Variants in GPNMB observed in about 807,000 individuals in gnomAD.
GPNMB encodes transmembrane glycoprotein NMB.
Under a neutral mutation model 57.3 loss-of-function variants are expected in GPNMB, and 71 were observed. That is an observed-to-expected ratio of 1.24 (90% CI 1.02 to 1.51). The LOEUF (loss-of-function observed/expected upper bound fraction) is 1.51. Among genes scored for constraint, GPNMB ranks in the 40% most tolerant of loss-of-function variants. The pLI is 0.00. For missense variants in GPNMB, 677 were observed against 691.9 expected (o/e 0.98, Z 0.24); for synonymous variants, 253 against 263.2 (o/e 0.96, Z 0.38).
intron 8 of GPNMB, 60 bp from the exon 9 acceptor site, chr7:23,269,907 G>T: frequency 1.8e-6 from 2 of 1,106,222 alleles, no homozygotes; most frequent in South Asian, 2.6e-5. Context: ...AAATGGATCT[G>T]ACCTTCCTCT....
chr7:23,249,094 TA>T (rs1782604244), intron 1 of GPNMB, among the ~76,000 whole-genome samples: 1 of 152,096 alleles, frequency 6.6e-6, no homozygotes, highest in Admixed American at 6.6e-5. Context: ...TTTTATTTTT[TA>T]AATTTTTGTA....
At chr7:23,271,073 GT>G (rs1219657966) in intron 9 of GPNMB, among the ~76,000 whole-genome samples, 1 of 152,238 alleles carries the variant, frequency 6.6e-6, no homozygotes, top group Non-Finnish European at 1.5e-5. Flanking sequence ...GTGGGGGATG[GT>G]TTCGGGATGA....
intron 6 of GPNMB, among the ~76,000 whole-genome samples, chr7:23,265,288 T>C (rs1315115093): frequency 1.3e-5 from 2 of 152,228 alleles, no homozygotes; most frequent in Non-Finnish European, 2.9e-5. Context: ...CACATGTCAC[T>C]AAGTTAGAGA....
At position 23,254,332 on chromosome 7, in the gene GPNMB, C is replaced by A; in HGVS notation, c.367+20C>A. The A allele has an allele frequency of 6.2e-7, 1 of 1,601,772 alleles. No homozygotes were observed. The highest frequency in any genetic ancestry group is 8.5e-7 in the Non-Finnish European group (1 of 1,170,358). ...GAAATGGTAAGAACACAGTATTCTC[C>A]TAAACTACTGGAGACCCAGTTTCTA... On this transcript the variant is annotated intron_variant, in intron 3 of 10. Transcript: ENST00000258733.
intron 1 of GPNMB, among the ~76,000 whole-genome samples, chr7:23,248,672 G>A (rs145054403): frequency 0.013 from 1,937 of 152,158 alleles, 40 homozygotes; most frequent in African/African-American, 0.039. Flanking sequence ...AGGCAGAGTC[G>A]GCTGCAGCAC....
At chr7:23,273,863 T>C (rs1011345089) in intron 10 of GPNMB, 24 of 584,102 alleles carry the variant, frequency 4.1e-5, no homozygotes, top group Non-Finnish European at 5.1e-5. Context: ...AACATGATAG[T>C]CTCAAATTAT....
rs1239341352 is a variant in GPNMB, at chr7:23,246,798, G to A, written c.-60G>A. 6 of 1,240,114 alleles carry A rather than the reference G, an allele frequency of 4.8e-6. No individual in the cohort carries two copies. In the Admixed American group the frequency reaches 1.0e-4, roughly 21 times the overall value. The allele number at this position is 1,240,114 out of a possible 1,614,324, so 76.8% of individuals were successfully genotyped here. On this transcript the variant is annotated 5_prime_UTR_variant, in exon 1 of 11. Coordinates refer to ENST00000258733, the MANE Select transcript of GPNMB (RefSeq NM_002510.3). ...CCAGAAGAACACTGTTGCTCTTGGT[G>A]GACGGGCCCAGAGGAATTCAGAGTT...
intron 6 of GPNMB, 103 bp downstream of exon 6, chr7:23,260,876 C>A: frequency 1.2e-6 from 1 of 864,122 alleles, no homozygotes; most frequent in Non-Finnish European, 1.7e-6. Flanking sequence ...ATTGTAAGGA[C>A]TCTGCGGTGA....
chr7:23,259,086 A>G (rs1030200415), intron 4 of GPNMB, among the ~76,000 whole-genome samples: 4 of 152,256 alleles, frequency 2.6e-5, no homozygotes, highest in Admixed American at 1.3e-4. Flanking sequence ...GGAGGGTTGG[A>G]CAAAGAAAAG....
intron 9 of GPNMB, 21 bp downstream of exon 9, chr7:23,270,196 A>T: frequency 1.3e-6 from 2 of 1,552,924 alleles, no homozygotes; most frequent in Non-Finnish European, 1.8e-6. Flanking sequence ...TTTTATGGCC[A>T]TATGAGCATT....
chr7:23,255,260 G>A (rs560683808), intron 3 of GPNMB, among the ~76,000 whole-genome samples: 2 of 152,184 alleles, frequency 1.3e-5, no homozygotes, highest in South Asian at 2.1e-4. Context: ...CTCGTGGTCC[G>A]CCCGCCTCGG....
At chr7:23,261,121 A>G (rs1240269048) in intron 6 of GPNMB, among the ~76,000 whole-genome samples, 1 of 152,166 alleles carries the variant, frequency 6.6e-6, no homozygotes, top group African/African-American at 2.4e-5. Context: ...ATGAGAAGGC[A>G]CACTGGCTCC....
chr7:23,248,936 A>T (rs1456679498), intron 1 of GPNMB, among the ~76,000 whole-genome samples: 1 of 152,108 alleles, frequency 6.6e-6, no homozygotes, highest in Non-Finnish European at 1.5e-5. Context: ...GGCACGTGCC[A>T]CCACACCCAG....
intron 6 of GPNMB, 137 bp from the exon 7 acceptor site, chr7:23,266,380 T>C (rs1415717779): frequency 2.6e-6 from 2 of 759,900 alleles, no homozygotes; most frequent in Admixed American, 5.6e-5. Context: ...TTCAAATTTC[T>C]ATAGCAATTT....
rs146184286 is a variant in GPNMB, at chr7:23,256,945, G to A, written c.421G>A (p.Asp141Asn). The A allele has an allele frequency of 6.2e-7, 1 of 1,614,192 alleles. No homozygotes were observed. The highest frequency in any genetic ancestry group is 1.7e-5 in the Admixed American group (1 of 60,034). Residue 141 changes from aspartate to asparagine, a missense_variant, in exon 4 of 11, where the codon GAC (aspartate) becomes AAC (asparagine). Coordinates refer to ENST00000258733, the MANE Select transcript of GPNMB (RefSeq NM_002510.3). ...TTACAACTGGACAGCATGGTCAGAG[G>A]ACAGTGACGGGGAAAATGGCACCGG... ...YVYNWTAWSE[D>N]SDGENGTGQS... is the part of the protein sequence containing the mutation.
At chr7:23,264,288 T>C (rs1783005298) in intron 6 of GPNMB, among the ~76,000 whole-genome samples, 1 of 152,208 alleles carries the variant, frequency 6.6e-6, no homozygotes, top group South Asian at 2.1e-4. Flanking sequence ...TCTTTTAAGG[T>C]GTGCGTTTCT....
At chr7:23,267,827 G>T in intron 7 of GPNMB, 59 bp from the exon 8 acceptor site, 1 of 1,122,926 alleles carries the variant, frequency 8.9e-7, no homozygotes, top group Non-Finnish European at 1.4e-6. Context: ...GTGATTGTTT[G>T]GCTTTGTTTG....
chr7:23,251,955 A>G (rs986377176), intron 1 of GPNMB, among the ~76,000 whole-genome samples: 1 of 152,210 alleles, frequency 6.6e-6, no homozygotes, highest in Non-Finnish European at 1.5e-5. Flanking sequence ...CCAGTCTGCT[A>G]CAATTCTCAA....
rs373768935 is a variant in GPNMB, at chr7:23,267,873, G to T, written c.1118-13G>T. Reference sequence around the variant, plus strand: ...TATTTTGATGTGTTTTTCTCTGGGGGTTATTTTGTTAGAGGGAATCTTAGA... The same window carrying T: ...TATTTTGATGTGTTTTTCTCTGGGGTTTATTTTGTTAGAGGGAATCTTAGA... On this transcript the variant is annotated splice_polypyrimidine_tract_variant and intron_variant, in intron 7 of 10. Transcript: ENST00000258733. 8 of 1,520,078 alleles carry T rather than the reference G, an allele frequency of 5.3e-6. No individual in the cohort carries two copies. In the African/African-American group the frequency reaches 5.5e-5, roughly 10 times the overall value. The allele number at this position is 1,520,078 out of a possible 1,614,324, so 94.2% of individuals were successfully genotyped here.
Sources: allele counts gnomAD v4.1 joint callset (sites outside exome capture counted in the v4.1 genomes callset), GRCh38; gene constraint gnomAD v4.1.1; transcripts MANE v1.5; gene names NCBI Gene and HGNC (gene_info 2026-07-23, HGNC 2026-07-21).